The following SRSF11 variants were observed in gnomAD, a reference collection of about 807,000 sequenced individuals.
The protein encoded by SRSF11 is serine/arginine-rich splicing factor 11.
SRSF11 carries 9 observed loss-of-function variants against 56.0 expected under a neutral mutation model. The observed-to-expected ratio is 0.16, with a 90% CI of 0.10 to 0.28. The LOEUF (loss-of-function observed/expected upper bound fraction) is 0.28, where lower values mean the gene tolerates loss of function less well. Ranked by LOEUF, SRSF11 falls within the 10% of genes least tolerant of loss-of-function variation. SRSF11 has a pLI of 1.00. For synonymous variants in SRSF11, 222 were observed against 215.3 expected (o/e 1.03, Z -0.27); for missense variants, 421 against 600.7 (o/e 0.70, Z 3.13).
chr1:70,212,360 G>T lies in SRSF11; in HGVS notation c.-26+6580G>T, dbSNP rs566015762. ...CAACCTCCACCTCCTGGGTTCAAGC[G>T]ATTCTCCTCCCTCAGCCTCCCCAAT... On this transcript the variant is annotated intron_variant, in intron 1 of 12. Coordinates refer to the SRSF11 transcript ENST00000370950. Among the ~76,000 whole-genome samples, 18 of 152,142 alleles carry T rather than the reference G, an allele frequency of 1.2e-4. No homozygotes were observed. The South Asian group carries it at 3.1e-3, about 26-fold the overall frequency.
intron 2 of SRSF11, chr1:70,230,021 G>A (rs1193063809): frequency 1.0e-5 from 10 of 985,240 alleles, no homozygotes; most frequent in East Asian, 2.3e-4. Flanking sequence ...ATAAAATAGA[G>A]TATAGGTCTT....
At chr1:70,210,806 C>T (rs1669496833) in intron 1 of SRSF11, among the ~76,000 whole-genome samples, 1 of 151,846 alleles carries the variant, frequency 6.6e-6, no homozygotes, top group South Asian at 2.1e-4. Flanking sequence ...TTTTTTCCCT[C>T]TTATATGAGG....
chr1:70,234,630 A>G, intron 3 of SRSF11, 66 bp from the exon 4 acceptor site: 6 of 1,311,252 alleles, frequency 4.6e-6, no homozygotes, highest in South Asian at 2.9e-5. Context: ...ACATTAAAAA[A>G]GTATTAACCC....
chr1:70,242,910 T>A (rs1040665474), intron 7 of SRSF11, among the ~76,000 whole-genome samples: 2 of 152,180 alleles, frequency 1.3e-5, no homozygotes, highest in African/African-American at 4.8e-5. Flanking sequence ...ACTTCCCATG[T>A]CTTTGTGGAG....
upstream of SRSF11, among the ~76,000 whole-genome samples, chr1:70,217,447 G>A (rs906345647): frequency 1.4e-4 from 22 of 152,086 alleles, no homozygotes; most frequent in South Asian, 2.1e-4. Context: ...ATGAGCCACC[G>A]CGCCTGGCTG....
chr1:70,209,159 CAG>C (rs1405176013), intron 1 of SRSF11, among the ~76,000 whole-genome samples: 1 of 152,140 alleles, frequency 6.6e-6, no homozygotes, highest in African/African-American at 2.4e-5. Flanking sequence ...TGTTTCATAA[CAG>C]AAAGTAAGAC....
In SRSF11 at chr1:70,221,727, G is replaced by C. The variant is rs1453601293; in HGVS notation, c.91G>C (p.Gly31Arg). The change falls in exon 1 of 12, where the codon GGC becomes CGC. Residue 31 changes from glycine to arginine, a missense_variant. By Grantham distance (125) the Gly-to-Arg change is moderately radical (BLOSUM62 -2). This residue lies in a region of SRSF11 where 168 missense variants were observed against 294.9 expected (regional missense o/e 0.57). Coordinates refer to ENST00000370949, the MANE Select transcript of SRSF11 (RefSeq NM_001350605.2). The part of the protein sequence containing the change: ...GGGGGGGGGG[G>R]TEVIQVTNVS... ...AGGTGGTGGTGGCGGCGGAGGCGGC[G>C]GCACCGAGGTAATCCAGGTGACTAA... 1 of 1,613,980 alleles carries C rather than the reference G, an allele frequency of 6.2e-7. No homozygotes were observed. The highest frequency in any genetic ancestry group is 8.5e-7 in the Non-Finnish European group (1 of 1,179,908).
chr1:70,236,326 CTTT>C (rs1256620243), intron 5 of SRSF11, among the ~76,000 whole-genome samples: 1 of 146,448 alleles, frequency 6.8e-6, no homozygotes, highest in Non-Finnish European at 1.5e-5. Flanking sequence ...TTTCTTCTTT[CTTT>C]TTCTTTTTTT....
At chr1:70,226,248 A>G (rs1671758819) in intron 1 of SRSF11, among the ~76,000 whole-genome samples, 1 of 152,136 alleles carries the variant, frequency 6.6e-6, no homozygotes. Flanking sequence ...GGGCCCAGAT[A>G]CCATCAAAAA....
At chr1:70,239,887 A>G (rs568493986) in intron 7 of SRSF11, among the ~76,000 whole-genome samples, 65 of 152,326 alleles carry the variant, frequency 4.3e-4, no homozygotes, top group African/African-American at 1.5e-3. Flanking sequence ...GTAAAATGCA[A>G]GTACTAGGAA....
chr1:70,242,643 C>T (rs1675747768), intron 7 of SRSF11, among the ~76,000 whole-genome samples: 1 of 152,074 alleles, frequency 6.6e-6, no homozygotes, highest in South Asian at 2.1e-4. Context: ...GTTAAATGAC[C>T]ATGACTTTCA....
At chr1:70,209,950 C>G (rs557691519) in intron 1 of SRSF11, among the ~76,000 whole-genome samples, 5 of 151,558 alleles carry the variant, frequency 3.3e-5, no homozygotes, top group Admixed American at 6.6e-5. Context: ...TTGCATTTTA[C>G]TGATAGTTTC....
intron 2 of SRSF11, chr1:70,228,830 T>C (rs1171414938): frequency 9.1e-7 from 1 of 1,103,566 alleles, no homozygotes; most frequent in African/African-American, 1.6e-5. Context: ...CTGAGATACA[T>C]CTACTTAGTT....
intron 5 of SRSF11, among the ~76,000 whole-genome samples, chr1:70,236,176 AC>A (rs1673962140): frequency 6.6e-6 from 1 of 152,156 alleles, no homozygotes; most frequent in Non-Finnish European, 1.5e-5. Context: ...TAAAAATAAA[AC>A]CAAGCATGTA....
At chr1:70,225,256 A>G (rs990337135) in intron 1 of SRSF11, among the ~76,000 whole-genome samples, 1 of 152,248 alleles carries the variant, frequency 6.6e-6, no homozygotes, top group Admixed American at 6.5e-5. Context: ...TCAGTGACCC[A>G]AAATGGATAC....
chr1:70,212,088 A>G (rs1457012376), intron 1 of SRSF11, among the ~76,000 whole-genome samples: 2 of 152,168 alleles, frequency 1.3e-5, no homozygotes. Flanking sequence ...GTGGAGAGAA[A>G]CATGGCCCTT....
chr1:70,210,996 AAT>A, intron 1 of SRSF11, among the ~76,000 whole-genome samples: 1 of 152,198 alleles, frequency 6.6e-6, no homozygotes, highest in East Asian at 1.9e-4. Context: ...AAAGCAGTAT[AAT>A]ATTGAGATTT....
intron 9 of SRSF11, 175 bp downstream of exon 9, chr1:70,247,082 T>C (rs964320826): frequency 8.9e-7 from 1 of 1,123,276 alleles, no homozygotes; most frequent in Non-Finnish European, 1.2e-6. Flanking sequence ...ATAATGTAGT[T>C]TATTTTTCTT....
intron 9 of SRSF11, 83 bp from the exon 10 acceptor site, chr1:70,249,869 A>G (rs1677595999): frequency 1.4e-6 from 2 of 1,442,412 alleles, no homozygotes; most frequent in East Asian, 2.3e-5. Flanking sequence ...CACATCTTTC[A>G]TTGTTAGAAT....
Sources: gnomAD v4.1 joint callset for allele counts (sites outside exome capture counted in the v4.1 genomes callset) on GRCh38, gnomAD v4.1.1 for gene constraint, gnomAD v4.1.1 regional missense constraint, MANE v1.5 for transcripts, NCBI Gene and HGNC (gene_info 2026-07-23, HGNC 2026-07-21) for gene names.